PIBF1: variants seen among roughly 807,000 people sequenced by gnomAD.
PIBF1 encodes the protein progesterone immunomodulatory binding factor 1, also known as progesterone-induced-blocking factor 1.
PIBF1 carries 90 observed loss-of-function variants against 112.5 expected under a neutral mutation model. That is an observed-to-expected ratio of 0.80 (90% CI 0.67 to 0.95). PIBF1 has a LOEUF of 0.95. Among genes scored for constraint, PIBF1 ranks in the 40% least tolerant of loss-of-function variants. The pLI, the probability that PIBF1 is intolerant of heterozygous loss-of-function variation, is 0.00. For synonymous variants in PIBF1, 301 were observed against 288.6 expected, an observed-to-expected ratio of 1.04 and a Z score of -0.44; for missense variants, 915 against 852.3, an observed-to-expected ratio of 1.07 and a Z score of -0.92.
intron 10 of PIBF1, among the ~76,000 whole-genome samples, chr13:72,859,298 G>A (rs2038588031): frequency 6.6e-6 from 1 of 152,110 alleles, no homozygotes; most frequent in African/African-American, 2.4e-5. Context: ...AAATGAGTTA[G>A]ATAGGGAACA....
chr13:73,007,381 C>T (rs1415130255), intron 17 of PIBF1, among the ~76,000 whole-genome samples: 1 of 151,130 alleles, frequency 6.6e-6, no homozygotes, highest in Non-Finnish European at 1.5e-5. Context: ...ACTGCAGCCT[C>T]CACCTCCTGG....
chr13:72,982,678 A>C (rs1460332369), intron 16 of PIBF1, among the ~76,000 whole-genome samples: 2 of 152,166 alleles, frequency 1.3e-5, no homozygotes, highest in East Asian at 3.9e-4. Context: ...GATGTTTCTT[A>C]AACTAATTGT....
chr13:72,845,405 G>T (rs1171343385), intron 9 of PIBF1, among the ~76,000 whole-genome samples: 1 of 152,122 alleles, frequency 6.6e-6, no homozygotes, highest in Admixed American at 6.5e-5. Flanking sequence ...CATTTGGGTT[G>T]GTTCCATGCC....
intron 16 of PIBF1, among the ~76,000 whole-genome samples, chr13:72,978,422 T>G (rs2138958970): frequency 1.3e-5 from 2 of 152,314 alleles, no homozygotes; most frequent in Middle Eastern, 6.8e-3. Flanking sequence ...ATTTTTTCCC[T>G]GAAACAAAAC....
rs985005233 is a variant in PIBF1 at position 72,978,743 on chromosome 13, C to A, written c.2049+5068C>A. Among the ~76,000 whole-genome samples, 14 of 152,018 alleles carry A rather than the reference C, an allele frequency of 9.2e-5. No individual in the cohort carries two copies. In the East Asian group the frequency reaches 2.5e-3, roughly 27 times the overall value. On this transcript the variant is annotated intron_variant, in intron 16 of 17. Coordinates refer to ENST00000326291, the MANE Select transcript of PIBF1 (RefSeq NM_006346.4). ...ACTCTAAAATGTCTTCACTTGTACT[C>A]GGATTAAGACCTCTTAGGTGTAAAT...
Position 72,989,187 on chromosome 13 carries a change from G to C in PIBF1, c.2050-9635G>C, listed in dbSNP as rs115821633. On this transcript the variant is annotated intron_variant, in intron 16 of 17. Transcript: ENST00000326291. ...TAAACATAGAGTTACATACAACCCAGCAGCTCTATGCCCAGGTATATAAAC... is the reference window on the plus strand; with the variant it reads ...TAAACATAGAGTTACATACAACCCACCAGCTCTATGCCCAGGTATATAAAC... 6.9e-3 allele frequency among the ~76,000 whole-genome samples: 1,054 copies of C among 152,274 alleles called. 15 individuals are homozygous for C. The highest frequency in any genetic ancestry group is 0.024 in the African/African-American group (1,017 of 41,546).
At chr13:72,868,316 A>AG (rs2039010208) in intron 10 of PIBF1, among the ~76,000 whole-genome samples, 1 of 151,594 alleles carries the variant, frequency 6.6e-6, no homozygotes, top group Admixed American at 6.6e-5. Context: ...TAAAAAAGAA[A>AG]AAAAAAAAAA....
chr13:72,996,088 G>C (rs1343404065), intron 16 of PIBF1, among the ~76,000 whole-genome samples: 6 of 20,942 alleles, frequency 2.9e-4, no homozygotes, highest in East Asian at 2.1e-3. Flanking sequence ...AAAAAAAAGC[G>C]GGGGGGGGGG....
At chr13:72,866,172 T>G (rs2038919450) in intron 10 of PIBF1, among the ~76,000 whole-genome samples, 1 of 152,170 alleles carries the variant, frequency 6.6e-6, no homozygotes. Context: ...TATATCTGAT[T>G]GCATGTACGG....
rs199887193 is a variant in PIBF1, at chr13:72,973,343, GGAAAA to G, written c.1965-240_1965-236del. On this transcript the variant is annotated intron_variant, in intron 15 of 17. Transcript: ENST00000326291. ...GGGAAGAAAGAAAAGAAAAAAGAAA[GGAAAA>G]GAAAAGAGGAGAGGGAAGAAAGAAA... 1.2e-3 allele frequency among the ~76,000 whole-genome samples: 185 copies of G among 149,500 alleles called. 4 individuals carry two copies. The East Asian group carries it at 0.027, about 22-fold the overall frequency.
At chr13:72,860,297 G>T (rs1297571373) in intron 10 of PIBF1, among the ~76,000 whole-genome samples, 2 of 137,632 alleles carry the variant, frequency 1.5e-5, no homozygotes, top group Non-Finnish European at 3.1e-5. Flanking sequence ...CTTTCCCTGT[G>T]TTTTTTTAGG....
intron 10 of PIBF1, among the ~76,000 whole-genome samples, chr13:72,892,903 C>A (rs977962171): frequency 6.6e-6 from 1 of 152,050 alleles, no homozygotes; most frequent in Non-Finnish European, 1.5e-5. Context: ...GAAGCACTTA[C>A]CATTGAATTT....
chr13:72,805,297 G>A (rs1005442040), intron 5 of PIBF1, among the ~76,000 whole-genome samples: 1 of 152,044 alleles, frequency 6.6e-6, no homozygotes, highest in Non-Finnish European at 1.5e-5. Flanking sequence ...CACACGCCAC[G>A]ACGCCTGGCT....
At chr13:72,940,464 T>C (rs1486858915) in intron 14 of PIBF1, among the ~76,000 whole-genome samples, 4 of 152,184 alleles carry the variant, frequency 2.6e-5, no homozygotes, top group African/African-American at 9.6e-5. Context: ...GCCTACTAAT[T>C]CTATTATTTT....
intron 12 of PIBF1, among the ~76,000 whole-genome samples, chr13:72,912,465 C>T (rs2040926645): frequency 6.6e-6 from 1 of 152,086 alleles, no homozygotes; most frequent in African/African-American, 2.4e-5. Context: ...AGATTAAAAG[C>T]CCAGTGAGAT....
chr13:72,921,675 A>G (rs1330811142), intron 13 of PIBF1, among the ~76,000 whole-genome samples: 1 of 152,130 alleles, frequency 6.6e-6, no homozygotes, highest in Non-Finnish European at 1.5e-5. Context: ...TTCATTACTT[A>G]ATTGTATAGT....
At chr13:72,926,090 A>T (rs1433822848) in intron 13 of PIBF1, among the ~76,000 whole-genome samples, 1 of 152,016 alleles carries the variant, frequency 6.6e-6, no homozygotes, top group Non-Finnish European at 1.5e-5. Context: ...ATTCTAATTA[A>T]TTTTTTGGTA....
chr13:72,969,997 T>G (rs2042847729), intron 15 of PIBF1, among the ~76,000 whole-genome samples: 1 of 152,224 alleles, frequency 6.6e-6, no homozygotes, highest in African/African-American at 2.4e-5. Flanking sequence ...TAGGTGTTGA[T>G]GTTAGTTGTA....
chr13:72,783,387 T>C, intron 1 of PIBF1, 36 bp from the exon 2 acceptor site: 1 of 927,714 alleles, frequency 1.1e-6, no homozygotes, highest in Non-Finnish European at 1.7e-6. Flanking sequence ...TAGTTAATTT[T>C]ATAGTACATT....
Sources: allele counts gnomAD v4.1 joint callset (sites outside exome capture counted in the v4.1 genomes callset), GRCh38; gene constraint gnomAD v4.1.1; transcripts MANE v1.5; gene names NCBI Gene and HGNC (gene_info 2026-07-23, HGNC 2026-07-21).